The following RBFOX1 variants were observed in gnomAD, a reference collection of about 807,000 sequenced individuals.
RBFOX1 encodes RNA binding fox-1 homolog 1, also known as RNA binding protein fox-1 homolog 1.
A neutral mutation model predicts 57.7 loss-of-function variants in RBFOX1; 8 were observed. The ratio of observed to expected loss-of-function variants is 0.14; its 90% CI spans 0.08 to 0.25. The LOEUF is 0.25. Ranked by LOEUF, RBFOX1 falls within the 10% of genes least tolerant of loss-of-function variation. RBFOX1 has a pLI of 1.00. For synonymous variants in RBFOX1, 326 were observed against 222.4 expected (o/e 1.47, Z -4.15); for missense variants, 611 against 548.5 (o/e 1.11, Z -1.14).
chr16:7,573,848 G>T (rs1158009425), intron 5 of RBFOX1, among the ~76,000 whole-genome samples: 1 of 151,198 alleles, frequency 6.6e-6, no homozygotes, highest in African/African-American at 2.4e-5. Context: ...AAAAAAAAGA[G>T]GTCAAATAAA....
At chr16:5,897,612 C>T (rs2058199400) in intron 4 of RBFOX1, among the ~76,000 whole-genome samples, 1 of 152,148 alleles carries the variant, frequency 6.6e-6, no homozygotes, top group South Asian at 2.1e-4. Context: ...TGGTTCAGCA[C>T]CTGGGAAACC....
chr16:7,307,160 A>G (rs2096209094), intron 4 of RBFOX1, among the ~76,000 whole-genome samples: 1 of 152,216 alleles, frequency 6.6e-6, no homozygotes, highest in Admixed American at 6.5e-5. Context: ...ATTTTGGAGC[A>G]TTTATCATTT....
At chr16:5,368,554 C>G (rs2065781910) in intron 1 of RBFOX1, among the ~76,000 whole-genome samples, 1 of 152,176 alleles carries the variant, frequency 6.6e-6, no homozygotes, top group African/African-American at 2.4e-5. Context: ...AATTCTGCAA[C>G]TCTTGCTTAG....
At chr16:5,740,366 C>A (rs2052729879) in intron 3 of RBFOX1, among the ~76,000 whole-genome samples, 1 of 152,196 alleles carries the variant, frequency 6.6e-6, no homozygotes, top group African/African-American at 2.4e-5. Context: ...GGCACAGGGG[C>A]TGGCCACAGT....
chr16:7,467,766 T>C (rs952755265), intron 4 of RBFOX1, among the ~76,000 whole-genome samples: 1 of 152,226 alleles, frequency 6.6e-6, no homozygotes, highest in Admixed American at 6.5e-5. Flanking sequence ...TCTTCCCCAC[T>C]TCCACTTCAT....
intron 3 of RBFOX1, among the ~76,000 whole-genome samples, chr16:5,722,671 T>C (rs1567448474): frequency 6.6e-6 from 1 of 152,320 alleles, no homozygotes; most frequent in East Asian, 1.9e-4. Flanking sequence ...TGGTTTCACC[T>C]TGGTTGAGGA....
At chr16:5,889,147 A>G (rs1258636189) in intron 4 of RBFOX1, among the ~76,000 whole-genome samples, 1 of 152,126 alleles carries the variant, frequency 6.6e-6, no homozygotes, top group African/African-American at 2.4e-5. Flanking sequence ...AGGCTTGTAA[A>G]TGTGTGCCAT....
chr16:5,977,820 C>G (rs1247268722), intron 4 of RBFOX1, among the ~76,000 whole-genome samples: 1 of 152,138 alleles, frequency 6.6e-6, no homozygotes. Flanking sequence ...GCTCCCTTCT[C>G]TAGGTTTTCT....
intron 2 of RBFOX1, among the ~76,000 whole-genome samples, chr16:5,501,166 A>G (rs1485429191): frequency 2.0e-5 from 3 of 151,840 alleles, no homozygotes; most frequent in Non-Finnish European, 4.4e-5. Context: ...AAATACAAAA[A>G]AATTATCTGG....
At chr16:5,295,979 C>T (rs757392868) in intron 1 of RBFOX1, among the ~76,000 whole-genome samples, 1 of 152,190 alleles carries the variant, frequency 6.6e-6, no homozygotes, top group Non-Finnish European at 1.5e-5. Context: ...ATATTAACTT[C>T]ACTGTTATTT....
At position 5,875,622 on chromosome 16, in the gene RBFOX1, A is replaced by C. The variant is rs137879289; in HGVS notation, c.351+8287A>C. Among the ~76,000 whole-genome samples, 582 of 152,282 alleles carry C rather than the reference A, an allele frequency of 3.8e-3. 2 individuals are homozygous for C. Among genetic ancestry groups the C allele is most frequent in the African/African-American group, 0.014 (563 of 41,564 alleles). On this transcript the variant is annotated intron_variant, in intron 4 of 19. Coordinates refer to the RBFOX1 transcript ENST00000641259. ...ATTAGTGTGCTTGGTGACTCATTCT[A>C]AGCTACAATAGGAAATAGCAGAAGT...
At chr16:6,028,558 C>A (rs1005990693) in intron 1 of RBFOX1, among the ~76,000 whole-genome samples, 2 of 149,698 alleles carry the variant, frequency 1.3e-5, no homozygotes, top group Admixed American at 6.7e-5. Flanking sequence ...GTAGCTCATG[C>A]CTGTAGTCCT....
intron 2 of RBFOX1, among the ~76,000 whole-genome samples, chr16:6,460,827 CA>C (rs57208986): frequency 1.2e-3 from 175 of 141,296 alleles, no homozygotes; most frequent in African/African-American, 2.6e-3. Flanking sequence ...TTCAGAATAC[CA>C]AAAAAAAAAA....
At chr16:6,124,976 G>C (rs1597533473) in intron 1 of RBFOX1, among the ~76,000 whole-genome samples, 13 of 152,098 alleles carry the variant, frequency 8.5e-5, no homozygotes, top group Admixed American at 8.5e-4. Context: ...TAGTTACAAG[G>C]CTCCAAGTTG....
chr16:7,177,092 G>A (rs535980062), intron 4 of RBFOX1, among the ~76,000 whole-genome samples: 12 of 152,268 alleles, frequency 7.9e-5, no homozygotes, highest in East Asian at 7.7e-4. Flanking sequence ...AAGCTGGTTC[G>A]GAGACAACTC....
intron 4 of RBFOX1, among the ~76,000 whole-genome samples, chr16:7,466,017 C>T (rs1012607607): frequency 5.8e-4 from 89 of 152,292 alleles, no homozygotes; most frequent in Non-Finnish European, 8.5e-4. Flanking sequence ...GTAGAAAGTG[C>T]ATCATCTGTG....
At chr16:6,898,082 A>C (rs1308092119) in intron 3 of RBFOX1, among the ~76,000 whole-genome samples, 3 of 152,220 alleles carry the variant, frequency 2.0e-5, no homozygotes, top group African/African-American at 7.2e-5. Context: ...AGTTATTTCA[A>C]AGAAATGAGG....
intron 4 of RBFOX1, chr16:7,510,121 C>T (rs968860192): frequency 1.0e-6 from 1 of 985,654 alleles, no homozygotes; most frequent in African/African-American, 1.7e-5. Context: ...TGGGAGCAGT[C>T]AGATGTTGAG....
rs548476579 is a variant in RBFOX1 at position 6,763,534 on chromosome 16, C to A, written c.-16+108884C>A. Among the ~76,000 whole-genome samples, 3 of 152,306 alleles carry A rather than the reference C, an allele frequency of 2.0e-5. 1 individual carries two copies. The East Asian group carries it at 5.8e-4, about 29-fold the overall frequency. ...ACCTGGTTGACTTGGGTTATAGCAA[C>A]AGAGAAAATGAGTTTTGCTTGGGGT... On this transcript the variant is annotated intron_variant, in intron 3 of 15. Transcript: ENST00000550418.
Sources: allele counts gnomAD v4.1 joint callset (sites outside exome capture counted in the v4.1 genomes callset), GRCh38; gene constraint gnomAD v4.1.1; transcripts MANE v1.5; gene names NCBI Gene and HGNC (gene_info 2026-07-23, HGNC 2026-07-21).